The following ZNF534 variants were observed in gnomAD, a reference collection of about 807,000 sequenced individuals.
ZNF534 encodes KRAB domain only 3.
In ZNF534, 19 loss-of-function variants were observed where a neutral mutation model predicts 13.6. The observed-to-expected ratio is 1.40, with a 90% CI of 0.97 to 2.05. The LOEUF (loss-of-function observed/expected upper bound fraction) is 2.05. Among genes scored for constraint, ZNF534 ranks in the 30% most tolerant of loss-of-function variants. ZNF534 has a pLI of 0.00. For synonymous variants in ZNF534, 244 were observed against 273.8 expected, an observed-to-expected ratio of 0.89 and a Z score of 1.07; for missense variants, 782 against 796.3, an observed-to-expected ratio of 0.98 and a Z score of 0.22.
intron 4 of ZNF534, among the ~76,000 whole-genome samples, 175 bp downstream of exon 4, chr19:52,435,384 G>C (rs568980416): frequency 2.0e-5 from 3 of 152,334 alleles, no homozygotes; most frequent in Non-Finnish European, 4.4e-5. Flanking sequence ...TTACAGGCTT[G>C]AGCCACTATA....
rs868635704 is a variant in ZNF534, at chr19:52,440,402, T to C, written c.*956T>C. Reference sequence around the variant, plus strand: ...AATAAAATGCACATCTGGCACAACATTGGAAAATTCATACTGTAGATACCT... The same window carrying C: ...AATAAAATGCACATCTGGCACAACACTGGAAAATTCATACTGTAGATACCT... On this transcript the variant is annotated 3_prime_UTR_variant, in exon 5 of 5. Coordinates refer to ENST00000433050, the MANE Select transcript of ZNF534 (RefSeq NM_001143938.3). Among the ~76,000 whole-genome samples, 38 of 152,312 alleles carry C rather than the reference T, an allele frequency of 2.5e-4. No individual in the cohort carries two copies. Among genetic ancestry groups the C allele is most frequent in the African/African-American group, 7.9e-4 (33 of 41,564 alleles).
downstream of ZNF534, among the ~76,000 whole-genome samples, chr19:52,443,487 A>G (rs2059183667): frequency 6.6e-6 from 1 of 152,158 alleles, no homozygotes; most frequent in Non-Finnish European, 1.5e-5. Context: ...GATTGAGTTA[A>G]TTCAGAAACC....
rs2059147852 is a variant in ZNF534, at chr19:52,438,675, TG to T, written c.1221del (p.Arg408GlyfsTer23). 4 of 1,580,766 alleles carry T rather than the reference TG, an allele frequency of 2.5e-6. No homozygotes were observed. The highest frequency in any genetic ancestry group is 2.3e-5 in the East Asian group (1 of 42,984). On this transcript the variant is annotated frameshift_variant, in exon 5 of 5. Coordinates refer to ENST00000433050, the MANE Select transcript of ZNF534 (RefSeq NM_001143938.3). LOFTEE classifies it low-confidence loss of function (END_TRUNC). ...RLARHRKIHT[G>X]GRRYKCNECG... The stretch of plus-strand genomic sequence containing the variant: ...TTGCACGACATAGGAAAATTCATAC[TG>T]GGGGGAGGCGTTACAAATGTAATGA...
chr19:52,433,607 C>T (rs2059106671), intron 2 of ZNF534, among the ~76,000 whole-genome samples: 1 of 152,182 alleles, frequency 6.6e-6, no homozygotes, highest in South Asian at 2.1e-4. Context: ...ACCTCGTGAT[C>T]CGACCGCCTT....
chr19:52,440,462 C>T lies in ZNF534; in HGVS notation c.*1016C>T, dbSNP rs932226495. On this transcript the variant is annotated 3_prime_UTR_variant, in exon 5 of 5. Transcript: ENST00000433050. The stretch of plus-strand genomic sequence containing the variant: ...AGCAAATATGGCAAAGTCAAAGTCA[C>T]AATTCACATCTTGCACATCAAATAA... 6.6e-6 allele frequency among the ~76,000 whole-genome samples: 1 copy of T among 152,162 alleles called. No individual in the cohort carries two copies. The highest frequency in any genetic ancestry group is 2.1e-4 in the South Asian group (1 of 4,832).
At chr19:52,447,172 ACAAAATGTCATCT>A (rs1190830840), downstream of ZNF534, among the ~76,000 whole-genome samples, 1 of 152,212 alleles carries the variant, frequency 6.6e-6, no homozygotes, top group Non-Finnish European at 1.5e-5. Flanking sequence ...AAAAACCAGG[ACAAAATGTCATCT>A]CAAGATCCTT....
intron 2 of ZNF534, among the ~76,000 whole-genome samples, chr19:52,432,225 G>A (rs772785330): frequency 1.3e-5 from 2 of 151,994 alleles, no homozygotes; most frequent in Non-Finnish European, 2.9e-5. Context: ...TGGGGATATC[G>A]ATTATATATA....
chr19:52,432,253 A>T (rs1282801495), intron 2 of ZNF534, among the ~76,000 whole-genome samples: 1 of 152,124 alleles, frequency 6.6e-6, no homozygotes, highest in Admixed American at 6.5e-5. Flanking sequence ...ATAATGAACT[A>T]TTAGGCAATT....
chr19:52,438,719 G>C lies in ZNF534; in HGVS notation c.1259G>C (p.Arg420Thr), dbSNP rs774717255. ...TGTAATGAATGTGGCAAAGCATTTA[G>C]AACGTGTTCAGATCTCACTGCCCAT... ...YKCNECGKAFRTCSDLTAHLL... is the reference protein window; with the variant it reads ...YKCNECGKAFTTCSDLTAHLL... The change falls in exon 5 of 5, where the codon AGA becomes ACA. Residue 420 changes from arginine (R) to threonine (T), a missense_variant. Around this residue, in one of 5 missense-constraint regions of ZNF534, gnomAD observed 591 missense variants for 574.0 expected, o/e 1.03. Transcript: ENST00000433050. 5.0e-6 allele frequency: 8 copies of C among 1,588,796 alleles called. No homozygotes were observed. In the African/African-American group the frequency reaches 6.7e-5, roughly 13 times the overall value.
downstream of ZNF534, among the ~76,000 whole-genome samples, chr19:52,446,513 T>A (rs867493027): frequency 5.3e-5 from 8 of 151,464 alleles, no homozygotes; most frequent in Middle Eastern, 3.2e-3. Context: ...TTTTATTGGT[T>A]CCCTATTGCT....
In ZNF534 at chr19:52,438,365, A is replaced by C. The variant is rs1366258; in HGVS notation, c.905A>C (p.Glu302Ala). 1,523,702 of 1,613,738 alleles carry C rather than the reference A, an allele frequency of 0.94. 722,519 individuals carry two copies. Among genetic ancestry groups the C allele is most frequent in the Non-Finnish European group, 0.97 (1,142,332 of 1,179,890 alleles). The part of the protein sequence containing the change: ...HTGEKPYKCS[E>A]CGKAFSVCSS... ...GGAGAGAAGCCTTACAAATGTAGTGAATGTGGCAAAGCATTTAGTGTGTGT... is the reference window on the plus strand; with the variant it reads ...GGAGAGAAGCCTTACAAATGTAGTGCATGTGGCAAAGCATTTAGTGTGTGT... The change falls in exon 5 of 5, where the codon GAA becomes GCA. Residue 302 changes from glutamate to alanine, a missense_variant. By Grantham distance (107) the Glu-to-Ala change is moderately radical. Coordinates refer to ENST00000433050, the MANE Select transcript of ZNF534 (RefSeq NM_001143938.3).
Position 52,440,084 on chromosome 19 carries a change from AAAAG to A in ZNF534, c.*639_*642del, listed in dbSNP as rs2059162659. Among the ~76,000 whole-genome samples, 4 of 152,168 alleles carry A rather than the reference AAAAG, an allele frequency of 2.6e-5. No homozygotes were observed. Among genetic ancestry groups the A allele is most frequent in the East Asian group, 1.9e-4 (1 of 5,192 alleles). On this transcript the variant is annotated 3_prime_UTR_variant, in exon 5 of 5. Coordinates refer to ENST00000433050, the MANE Select transcript of ZNF534 (RefSeq NM_001143938.3). Reference sequence around the variant, plus strand: ...ACTCTTTCTTTAAAAACAAAACAAAAAAAGTTATGAAGCCTCACAAAAGTAATAA... The same window carrying A: ...ACTCTTTCTTTAAAAACAAAACAAAATTATGAAGCCTCACAAAAGTAATAA...
At position 52,438,908 on chromosome 19, in the gene ZNF534, G is replaced by A. The variant is rs555071817; in HGVS notation, c.1448G>A (p.Arg483Gln). The A allele has an allele frequency of 2.2e-5, 35 of 1,587,666 alleles. No homozygotes were observed. The Admixed American group carries it at 2.8e-4, about 13-fold the overall frequency. Reference protein sequence around the residue: ...KVFSQNSNLQRHRKIHTGEKL... With the variant: ...KVFSQNSNLQQHRKIHTGEKL... ...TTCAGTCAGAATTCAAACCTTCAAC[G>A]ACATAGGAAAATTCATACTGGAGAG... The change falls in exon 5 of 5, where the codon CGA becomes CAA. Residue 483 changes from arginine (R) to glutamine (Q), a missense_variant. By Grantham distance (43) the Arg-to-Gln change is conservative. Transcript: ENST00000433050.
intron 1 of ZNF534, 118 bp from the exon 2 acceptor site, chr19:52,431,290 C>T: frequency 2.8e-6 from 2 of 726,726 alleles, no homozygotes; most frequent in Non-Finnish European, 2.3e-6. Context: ...GGGAGATCAA[C>T]AGTAGGCAGC....
intron 4 of ZNF534, among the ~76,000 whole-genome samples, chr19:52,436,259 T>C (rs2059128350): frequency 6.6e-6 from 1 of 152,120 alleles, no homozygotes; most frequent in Non-Finnish European, 1.5e-5. Flanking sequence ...TTAAGCACTT[T>C]CAGTATCACT....
chr19:52,429,955 C>CTT (rs796302296), intron 1 of ZNF534, among the ~76,000 whole-genome samples: 13 of 144,722 alleles, frequency 9.0e-5, no homozygotes, highest in African/African-American at 3.1e-4. Flanking sequence ...TCATGTAACC[C>CTT]TTTTTTTTTT....
Position 52,431,490 on chromosome 19 carries a change from G to C in ZNF534, c.15+1G>C, listed in dbSNP as rs1362417506. ...GAAGTCAGGAATGGCCCTTACTCAG[G>C]TAAGGTAATGTTCTCAGTGGATTGT... On this transcript the variant is annotated splice_donor_variant, in intron 2 of 4. Transcript: ENST00000433050. LOFTEE classifies it high-confidence loss of function. 2 of 1,614,086 alleles carry C rather than the reference G, an allele frequency of 1.2e-6. No homozygotes were observed. Among genetic ancestry groups the C allele is most frequent in the Non-Finnish European group, 1.7e-6 (2 of 1,179,968 alleles).
In ZNF534 at chr19:52,440,021, T is replaced by C. The variant is rs1280090499; in HGVS notation, c.*575T>C. 1.3e-5 allele frequency among the ~76,000 whole-genome samples: 2 copies of C among 152,014 alleles called. No individual in the cohort carries two copies. The highest frequency in any genetic ancestry group is 1.3e-4 in the Admixed American group (2 of 15,256). ...AGGCAGAGGTTGTGATGAGCCGAGA[T>C]TGCAACATTGCACTCCAGCTTGGGC... On this transcript the variant is annotated 3_prime_UTR_variant, in exon 5 of 5. Coordinates refer to ENST00000433050, the MANE Select transcript of ZNF534 (RefSeq NM_001143938.3).
At chr19:52,437,666 G>T (rs2059136812) in intron 4 of ZNF534, 66 bp from the exon 5 acceptor site, 1 of 1,423,738 alleles carries the variant, frequency 7.0e-7, no homozygotes, top group East Asian at 2.4e-5. Context: ...GCAGAATCTT[G>T]TTTTCTGTCA....
Sources: gnomAD v4.1 joint callset for allele counts (sites outside exome capture counted in the v4.1 genomes callset) on GRCh38, gnomAD v4.1.1 for gene constraint, gnomAD v4.1.1 regional missense constraint, MANE v1.5 for transcripts, NCBI Gene and HGNC (gene_info 2026-07-23, HGNC 2026-07-21) for gene names.